DTX1: variants seen among roughly 807,000 people sequenced by gnomAD.
DTX1 encodes the protein deltex E3 ubiquitin ligase 1.
Under a neutral mutation model 57.8 loss-of-function variants are expected in DTX1, and 26 were observed. The observed-to-expected ratio is 0.45, with a 90% CI of 0.33 to 0.62. The LOEUF (loss-of-function observed/expected upper bound fraction) is 0.62. Ranked by LOEUF, DTX1 falls within the 20% of genes least tolerant of loss-of-function variation. The probability of loss-of-function intolerance (pLI) is 0.02; values close to 1 mark genes in which losing one functional copy is unlikely to be tolerated. For missense variants in DTX1, 704 were observed against 895.3 expected (o/e 0.79, Z 2.73); for synonymous variants, 398 against 394.1 (o/e 1.01, Z -0.12).
At chr12:113,066,656 T>C (rs1003234901) in intron 2 of DTX1, among the ~76,000 whole-genome samples, 3 of 152,158 alleles carry the variant, frequency 2.0e-5, no homozygotes, top group Non-Finnish European at 4.4e-5. Flanking sequence ...ACTGAACTTG[T>C]GTGATTGTGG....
intron 3 of DTX1, among the ~76,000 whole-genome samples, chr12:113,081,949 A>T (rs572808804): frequency 6.6e-6 from 1 of 152,066 alleles, no homozygotes; most frequent in South Asian, 2.1e-4. Flanking sequence ...TGCTGCCATC[A>T]GTGGGGAGCT....
chr12:113,093,091 G>A lies in DTX1; in HGVS notation c.942-71G>A, dbSNP rs77550984. The A allele has an allele frequency of 0.029, 44,167 of 1,508,906 alleles. 869 individuals carry two copies. The highest frequency in any genetic ancestry group is 0.049 in the Middle Eastern group (288 of 5,894). The allele number at this position is 1,508,906 out of a possible 1,614,324, so 93.5% of individuals were successfully genotyped here. ...TGTGGCCCAGGAGCCAGAGACAGAA[G>A]GCAAGCCAGGTCCCCTGACGTCGCT... On this transcript the variant is annotated intron_variant, in intron 3 of 9. Transcript: ENST00000548759. The surrounding 1 kb of genome is among the most constrained non-coding windows in gnomAD (Gnocchi z 4.2).
chr12:113,097,682 C>A lies in DTX1; in HGVS notation c.*743C>A, dbSNP rs1223042114. On this transcript the variant is annotated 3_prime_UTR_variant, in exon 10 of 10. Transcript: ENST00000548759. ...CCAGATAAAGGCGCTGTTCTCCCATCCTCCCTACCCCATCCTCTCCACCAA... is the reference window on the plus strand; with the variant it reads ...CCAGATAAAGGCGCTGTTCTCCCATACTCCCTACCCCATCCTCTCCACCAA... 1.3e-5 allele frequency: 2 copies of A among 152,338 alleles called. No individual in the cohort carries two copies. Among genetic ancestry groups the A allele is most frequent in the Non-Finnish European group, 2.9e-5 (2 of 68,070 alleles). 9.4% of individuals were successfully genotyped at this position (152,338 alleles called of 1,614,324 possible).
intron 2 of DTX1, among the ~76,000 whole-genome samples, chr12:113,067,515 A>T (rs1472654881): frequency 1.3e-5 from 2 of 152,242 alleles, no homozygotes; most frequent in East Asian, 3.8e-4. Flanking sequence ...GGCCTGGGCA[A>T]CTAATAGAAG....
chr12:113,086,818 T>C (rs2044861753), intron 3 of DTX1, among the ~76,000 whole-genome samples: 1 of 150,760 alleles, frequency 6.6e-6, no homozygotes, highest in Admixed American at 6.6e-5. Flanking sequence ...GGCCCCTGGC[T>C]GCCCACCCTC....
At chr12:113,066,727 G>A (rs969371404) in intron 2 of DTX1, among the ~76,000 whole-genome samples, 4 of 152,028 alleles carry the variant, frequency 2.6e-5, no homozygotes, top group Admixed American at 6.5e-5. Flanking sequence ...GGCACTGTCC[G>A]GGCACTAGGA....
chr12:113,060,533 A>G (rs2044657778), intron 2 of DTX1, among the ~76,000 whole-genome samples: 2 of 152,178 alleles, frequency 1.3e-5, no homozygotes, highest in African/African-American at 4.8e-5. Context: ...GCCCTGGGGT[A>G]GGAAGGGGCA....
At chr12:113,087,563 C>G (rs945115084) in intron 3 of DTX1, among the ~76,000 whole-genome samples, 5 of 152,050 alleles carry the variant, frequency 3.3e-5, no homozygotes, top group African/African-American at 1.2e-4. Flanking sequence ...GTGACAGGCT[C>G]ACACCCCTAG....
intron 3 of DTX1, among the ~76,000 whole-genome samples, chr12:113,090,406 C>A (rs899947789): frequency 1.6e-4 from 24 of 152,166 alleles, no homozygotes; most frequent in Admixed American, 9.8e-4. Context: ...TTCCTGGGGC[C>A]CCCCCGCAGG....
At chr12:113,076,055 G>A (rs554584793) in intron 2 of DTX1, among the ~76,000 whole-genome samples, 13 of 151,904 alleles carry the variant, frequency 8.6e-5, no homozygotes, top group Admixed American at 2.6e-4. Context: ...GGGAAAGTAC[G>A]TGGGGGGTGC....
rs1438098610 is a variant in DTX1, at chr12:113,093,204, G to C, written c.984G>C (p.Pro328=). The part of the protein sequence containing the change: ...LPVKNLNGTG[P]VHPALAGMTG... ...TGAAGAACTTGAATGGTACTGGGCC[G>C]GTCCATCCGGCCCTGGCAGGTGAGG... The change falls in exon 4 of 10, where the codon CCG becomes CCC. Residue 328 remains proline (P), a synonymous_variant. Transcript: ENST00000548759. The surrounding 1 kb of genome is among the most constrained non-coding windows in gnomAD (Gnocchi z 4.2). The C allele has an allele frequency of 2.5e-6, 4 of 1,596,790 alleles. No homozygotes were observed. The East Asian group carries it at 6.8e-5, about 27-fold the overall frequency.
chr12:113,074,336 C>A (rs767325743), intron 2 of DTX1, among the ~76,000 whole-genome samples: 1 of 152,132 alleles, frequency 6.6e-6, no homozygotes, highest in Non-Finnish European at 1.5e-5. Flanking sequence ...TGAACACACA[C>A]CTGTAAGAAA....
At position 113,058,134 on chromosome 12, in the gene DTX1, GC is replaced by G. The variant is rs2136420548; in HGVS notation, c.-56del. ...AGAGGAAGTTGCCGCCTGCTGCCAG[GC>G]CCAGGAGGAGCTGGGCCTGCAATAG... is the stretch of plus-strand genomic sequence containing the variant. On this transcript the variant is annotated 5_prime_UTR_variant, in exon 2 of 10. Transcript: ENST00000548759. 6.6e-7 allele frequency: 1 copy of G among 1,506,212 alleles called. No individual in the cohort carries two copies. Among genetic ancestry groups the G allele is most frequent in the African/African-American group, 1.4e-5 (1 of 72,088 alleles). 93.3% of individuals were successfully genotyped at this position (1,506,212 alleles called of 1,614,324 possible).
chr12:113,062,903 C>T (rs936932927), intron 2 of DTX1, among the ~76,000 whole-genome samples: 5 of 152,192 alleles, frequency 3.3e-5, no homozygotes, highest in African/African-American at 1.2e-4. Context: ...TTGAAGCCCT[C>T]CAGGTCCAGA....
chr12:113,067,487 A>C (rs529515960), intron 2 of DTX1, among the ~76,000 whole-genome samples: 2 of 152,350 alleles, frequency 1.3e-5, no homozygotes, highest in East Asian at 3.9e-4. Context: ...CAAAGGCTGC[A>C]AATTCAGATG....
intron 8 of DTX1, 41 bp downstream of exon 8, chr12:113,095,244 C>T (rs572589702): frequency 6.2e-6 from 10 of 1,604,836 alleles, no homozygotes; most frequent in Admixed American, 5.0e-5. Flanking sequence ...AGCCCCCACA[C>T]CCCTCCAACT....
intron 3 of DTX1, among the ~76,000 whole-genome samples, chr12:113,089,148 G>T (rs1950227655): frequency 6.6e-6 from 1 of 152,184 alleles, no homozygotes; most frequent in Non-Finnish European, 1.5e-5. Context: ...GTCAGCAAGT[G>T]CAAAGGCCCT....
intron 3 of DTX1, 111 bp downstream of exon 3, chr12:113,078,216 C>A: frequency 2.3e-6 from 2 of 872,320 alleles, no homozygotes; most frequent in Non-Finnish European, 2.9e-6. Context: ...ATAATAATGA[C>A]GATAAGTAAT....
At chr12:113,080,200 G>A (rs2044806652) in intron 3 of DTX1, among the ~76,000 whole-genome samples, 1 of 152,214 alleles carries the variant, frequency 6.6e-6, no homozygotes, top group African/African-American at 2.4e-5. Flanking sequence ...CAGGCCCAGT[G>A]CCAACAGAGA....
Sources: gnomAD v4.1 joint callset for allele counts (sites outside exome capture counted in the v4.1 genomes callset) on GRCh38, gnomAD v4.1.1 for gene constraint, Gnocchi (gnomAD v3.1) non-coding constraint, MANE v1.5 for transcripts, NCBI Gene and HGNC (gene_info 2026-07-23, HGNC 2026-07-21) for gene names.